GRAP2: variants seen among roughly 807,000 people sequenced by gnomAD.
GRAP2 encodes the protein GRB2-related adapter protein 2.
GRAP2 carries 31 observed loss-of-function variants against 43.5 expected under a neutral mutation model. That is an observed-to-expected ratio of 0.71 (90% confidence interval 0.54 to 0.96). GRAP2 has a LOEUF of 0.96. Ranked by LOEUF, GRAP2 falls within the 40% of genes least tolerant of loss-of-function variation. The probability of loss-of-function intolerance (pLI) is 0.00; values close to 1 mark genes in which losing one functional copy is unlikely to be tolerated. For missense variants in GRAP2, 371 were observed against 424.4 expected (o/e 0.87, Z 1.11); for synonymous variants, 156 against 164.8 (o/e 0.95, Z 0.41).
chr22:39,950,134 C>T (rs1426804039), intron 2 of GRAP2, among the ~76,000 whole-genome samples: 1 of 152,138 alleles, frequency 6.6e-6, no homozygotes, highest in South Asian at 2.1e-4. Flanking sequence ...AGCCTCTCCC[C>T]TATATACTCT....
chr22:39,962,718 C>T (rs2067132308), intron 4 of GRAP2, among the ~76,000 whole-genome samples: 1 of 151,988 alleles, frequency 6.6e-6, no homozygotes, highest in African/African-American at 2.4e-5. Flanking sequence ...AGTGCAGTGG[C>T]GCAATCTCGG....
At chr22:39,931,666 T>C (rs914501480) in intron 1 of GRAP2, among the ~76,000 whole-genome samples, 1 of 152,114 alleles carries the variant, frequency 6.6e-6, no homozygotes, top group East Asian at 1.9e-4. Flanking sequence ...GTTATAGGCA[T>C]GAGAAAGTAG....
At chr22:39,955,280 C>G (rs2067034692) in intron 2 of GRAP2, among the ~76,000 whole-genome samples, 3 of 152,090 alleles carry the variant, frequency 2.0e-5, no homozygotes, top group Admixed American at 2.0e-4. Flanking sequence ...ATCGCTTGAA[C>G]CCAGGAGGTG....
chr22:39,918,984 A>G (rs1256952245), intron 1 of GRAP2, among the ~76,000 whole-genome samples: 1 of 152,164 alleles, frequency 6.6e-6, no homozygotes, highest in African/African-American at 2.4e-5. Context: ...TATGAAATTG[A>G]CAATATCTGG....
intron 1 of GRAP2, among the ~76,000 whole-genome samples, chr22:39,904,374 C>A (rs1037562599): frequency 6.6e-5 from 10 of 152,014 alleles, no homozygotes; most frequent in Non-Finnish European, 7.4e-5. Flanking sequence ...GTCGACAGAG[C>A]AAGATCCTGT....
At chr22:39,915,155 C>T (rs2066594001) in intron 1 of GRAP2, among the ~76,000 whole-genome samples, 1 of 145,146 alleles carries the variant, frequency 6.9e-6, no homozygotes, top group Non-Finnish European at 1.5e-5. Flanking sequence ...CACCACTACA[C>T]TCCAGCCTGG....
Position 39,971,797 on chromosome 22 carries a change from G to C in GRAP2, c.*713G>C, listed in dbSNP as rs991299432. ...GGAGCGAAGTACTGGGAAATCGAGGGATTTTCCACAATCCCCAAGCAGCTT... is the reference window on the plus strand; with the variant it reads ...GGAGCGAAGTACTGGGAAATCGAGGCATTTTCCACAATCCCCAAGCAGCTT... On this transcript the variant is annotated 3_prime_UTR_variant, in exon 8 of 8. Transcript: ENST00000344138. The C allele has an allele frequency of 6.6e-6, 1 of 152,200 alleles. No homozygotes were observed. The highest frequency in any genetic ancestry group is 1.5e-5 in the Non-Finnish European group (1 of 68,034). The allele number at this position is 152,200 out of a possible 1,614,324, so 9.4% of individuals were successfully genotyped here.
At chr22:39,929,353 G>C (rs973276355) in intron 1 of GRAP2, among the ~76,000 whole-genome samples, 1 of 152,184 alleles carries the variant, frequency 6.6e-6, no homozygotes, top group Admixed American at 6.5e-5. Flanking sequence ...TCCCTGGCTG[G>C]ACAAATATTT....
chr22:39,930,722 C>T (rs2066747952), intron 1 of GRAP2, among the ~76,000 whole-genome samples: 1 of 152,110 alleles, frequency 6.6e-6, no homozygotes, highest in Non-Finnish European at 1.5e-5. Context: ...GTCCTAAGTC[C>T]CTGGCATGCT....
chr22:39,899,356 T>A (rs1404009064), upstream of GRAP2, among the ~76,000 whole-genome samples: 5 of 152,146 alleles, frequency 3.3e-5, no homozygotes. Context: ...TTCCCTTCGC[T>A]CCCACTCCCC....
At position 39,930,608 on chromosome 22, in the gene GRAP2, C is replaced by T. The variant is rs564766301; in HGVS notation, c.-14-16485C>T. Among the ~76,000 whole-genome samples, 22 of 152,364 alleles carry T rather than the reference C, an allele frequency of 1.4e-4. No homozygotes were observed. The South Asian group carries it at 4.3e-3, about 30-fold the overall frequency. ...ACTACTGCGATGCTTTCTCCATCTTCGGTTCACCCTGCCCTCCATTCCTTC... is the reference window on the plus strand; with the variant it reads ...ACTACTGCGATGCTTTCTCCATCTTTGGTTCACCCTGCCCTCCATTCCTTC... On this transcript the variant is annotated intron_variant, in intron 1 of 7. Transcript: ENST00000344138.
chr22:39,910,275 A>G (rs2066551114), intron 1 of GRAP2, among the ~76,000 whole-genome samples: 1 of 152,158 alleles, frequency 6.6e-6, no homozygotes, highest in Non-Finnish European at 1.5e-5. Context: ...TACTTCTATT[A>G]ATATGGCCCA....
At chr22:39,895,739 G>A in the GRAP2 span, among the ~76,000 whole-genome samples, 1 of 152,092 alleles carries the variant, frequency 6.6e-6, no homozygotes, top group African/African-American at 2.4e-5. Context: ...GAGACTAGAA[G>A]GAAGTTGTAG....
At chr22:39,948,878 CA>C (rs754615809) in intron 2 of GRAP2, among the ~76,000 whole-genome samples, 1 of 152,132 alleles carries the variant, frequency 6.6e-6, no homozygotes, top group Non-Finnish European at 1.5e-5. Flanking sequence ...GTCTCATTTC[CA>C]AGCATTCTTT....
chr22:39,900,712 C>T (rs1199017289), upstream of GRAP2, among the ~76,000 whole-genome samples: 1 of 152,110 alleles, frequency 6.6e-6, no homozygotes, highest in African/African-American at 2.4e-5. Flanking sequence ...ATATTAGAGG[C>T]TGAGTGTATG....
chr22:39,964,304 G>A (rs1005688034), intron 4 of GRAP2: 4 of 674,686 alleles, frequency 5.9e-6, no homozygotes, highest in African/African-American at 5.4e-5. Context: ...GTCCAGACTG[G>A]CAACAAAAGG....
At chr22:39,905,344 A>C (rs940182996) in intron 1 of GRAP2, among the ~76,000 whole-genome samples, 1 of 152,208 alleles carries the variant, frequency 6.6e-6, no homozygotes, top group Non-Finnish European at 1.5e-5. Flanking sequence ...TAGTGGCTGG[A>C]AATATTTATT....
chr22:39,925,169 T>C (rs749888845), intron 1 of GRAP2, among the ~76,000 whole-genome samples: 1 of 152,172 alleles, frequency 6.6e-6, no homozygotes, highest in Non-Finnish European at 1.5e-5. Context: ...GTAGAAATGA[T>C]GTGAGCTGAA....
intron 3 of GRAP2, among the ~76,000 whole-genome samples, chr22:39,959,719 C>T (rs2067096118): frequency 6.6e-6 from 1 of 152,132 alleles, no homozygotes. Context: ...CTATCTCTTC[C>T]GCAGCTGCCG....
Sources: allele counts gnomAD v4.1 joint callset (sites outside exome capture counted in the v4.1 genomes callset), GRCh38; gene constraint gnomAD v4.1.1; transcripts MANE v1.5; gene names NCBI Gene and HGNC (gene_info 2026-07-23, HGNC 2026-07-21).